Variants in EEPD1 observed in about 807,000 individuals in gnomAD.
The protein encoded by EEPD1 is endonuclease/exonuclease/phosphatase family domain containing 1.
EEPD1 carries 17 observed loss-of-function variants against 46.3 expected under a neutral mutation model. The observed-to-expected ratio is 0.37, with a 90% CI of 0.25 to 0.55. EEPD1 has a LOEUF of 0.55. Among genes scored for constraint, EEPD1 ranks in the 20% least tolerant of loss-of-function variants. EEPD1 has a pLI of 0.83. For synonymous variants in EEPD1, 313 were observed against 315.6 expected (o/e 0.99, Z 0.09); for missense variants, 673 against 745.6 (o/e 0.90, Z 1.13).
At chr7:36,206,776 C>T (rs1562686489) in intron 2 of EEPD1, among the ~76,000 whole-genome samples, 1 of 152,202 alleles carries the variant, frequency 6.6e-6, no homozygotes, top group Non-Finnish European at 1.5e-5. Flanking sequence ...AGGCTGAGCA[C>T]AGTGGCTCAT....
rs546856548 is a variant in EEPD1, at chr7:36,197,723, G to C, written c.879-41262G>C. ...ACAGATGCTTGAAGGCAGCATGCTCGTTAAGAGTCATCACCACTCCCTAAT... is the reference window on the plus strand; with the variant it reads ...ACAGATGCTTGAAGGCAGCATGCTCCTTAAGAGTCATCACCACTCCCTAAT... On this transcript the variant is annotated intron_variant, in intron 2 of 7. Transcript: ENST00000242108. Among the ~76,000 whole-genome samples, 632 of 152,008 alleles carry C rather than the reference G, an allele frequency of 4.2e-3. 5 individuals carry two copies. Among genetic ancestry groups the C allele is most frequent in the African/African-American group, 9.7e-3 (403 of 41,444 alleles).
At chr7:36,298,975 A>AT in intron 7 of EEPD1, 32 bp from the exon 8 acceptor site, 1 of 1,608,102 alleles carries the variant, frequency 6.2e-7, no homozygotes, top group Non-Finnish European at 8.5e-7. Flanking sequence ...CCCCATCCTG[A>AT]TTCCCGGTCT....
At chr7:36,244,566 G>A (rs965488150) in intron 3 of EEPD1, among the ~76,000 whole-genome samples, 2 of 152,064 alleles carry the variant, frequency 1.3e-5, no homozygotes, top group African/African-American at 4.8e-5. Flanking sequence ...AGGTTTTCCT[G>A]TTTTCTGCAG....
intron 2 of EEPD1, among the ~76,000 whole-genome samples, chr7:36,178,033 T>G (rs1360547146): frequency 6.6e-6 from 1 of 152,174 alleles, no homozygotes; most frequent in African/African-American, 2.4e-5. Flanking sequence ...TTTTTATGTC[T>G]CAGTGTTTCA....
intron 3 of EEPD1, among the ~76,000 whole-genome samples, chr7:36,259,973 T>C (rs1245831090): frequency 6.6e-6 from 1 of 152,240 alleles, no homozygotes; most frequent in African/African-American, 2.4e-5. Flanking sequence ...CTCACTCCAA[T>C]ACATCTCTAA....
intron 3 of EEPD1, among the ~76,000 whole-genome samples, chr7:36,254,477 A>C (rs951890341): frequency 6.6e-6 from 1 of 152,196 alleles, no homozygotes. Context: ...TTATGGCTGC[A>C]TAGTATTCCA....
intron 2 of EEPD1, among the ~76,000 whole-genome samples, chr7:36,236,231 G>GC (rs1183681619): frequency 6.6e-6 from 1 of 152,210 alleles, no homozygotes; most frequent in African/African-American, 2.4e-5. Context: ...CGCTGTGAGG[G>GC]CCCCTCTCTG....
chr7:36,259,239 C>G (rs1786875737), intron 3 of EEPD1, among the ~76,000 whole-genome samples: 1 of 152,170 alleles, frequency 6.6e-6, no homozygotes, highest in South Asian at 2.1e-4. Flanking sequence ...AAATCACTCA[C>G]TTTCTCCATT....
At chr7:36,171,654 A>G (rs951787629) in intron 2 of EEPD1, among the ~76,000 whole-genome samples, 6 of 152,222 alleles carry the variant, frequency 3.9e-5, no homozygotes, top group Admixed American at 3.9e-4. Flanking sequence ...ATCTTTCAAA[A>G]TAGATCTTTA....
intron 2 of EEPD1, among the ~76,000 whole-genome samples, chr7:36,173,702 A>G (rs1015506303): frequency 2.0e-5 from 3 of 152,166 alleles, no homozygotes; most frequent in African/African-American, 7.2e-5. Context: ...AAATCAACCA[A>G]TACAGTCACA....
chr7:36,252,829 CTTTTTTTTTTTTTTTTTT>C lies in EEPD1; in HGVS notation c.930+13806_930+13823del, dbSNP rs71553053. On this transcript the variant is annotated intron_variant, in intron 3 of 7. Coordinates refer to ENST00000242108, the MANE Select transcript of EEPD1 (RefSeq NM_030636.3). The stretch of plus-strand genomic sequence containing the variant: ...GGTGTGATAGCATGAGTGTTCTCTC[CTTTTTTTTTTTTTTTTTT>C]TTTTTTTTTTTTGATCAGTCTAGGT... 6.8e-3 allele frequency among the ~76,000 whole-genome samples: 371 copies of C among 54,932 alleles called. 4 individuals are homozygous for C. Among genetic ancestry groups the C allele is most frequent in the African/African-American group, 0.027 (350 of 12,996 alleles). The allele number at this position is 54,932 out of a possible 152,430, so 36.0% of individuals were successfully genotyped here.
chr7:36,202,418 GC>G (rs1200567882), intron 2 of EEPD1, among the ~76,000 whole-genome samples: 1 of 152,076 alleles, frequency 6.6e-6, no homozygotes, highest in African/African-American at 2.4e-5. Flanking sequence ...CTGTTCGCTA[GC>G]CGGGGTGAAG....
At chr7:36,214,373 A>G (rs1490172911) in intron 2 of EEPD1, among the ~76,000 whole-genome samples, 1 of 152,142 alleles carries the variant, frequency 6.6e-6, no homozygotes, top group Admixed American at 6.5e-5. Context: ...TTTGAGAGAT[A>G]ATGTTGGGCT....
chr7:36,154,658 A>G lies in EEPD1; in HGVS notation c.334A>G (p.Ser112Gly), dbSNP rs1784786571. Residue 112 changes from serine (S) to glycine (G), a missense_variant, in exon 2 of 8, where the codon AGT becomes GGT. Transcript: ENST00000242108. This position sits in a 1 kb window ranked among gnomAD's most constrained non-coding sequence, Gnocchi z 4.2. ...SKGSSAQHSP[S>G]SLRRDLLAEQ... ...GGGCAGCTCAGCGCAGCACTCTCCC[A>G]GTTCCCTGCGGCGGGACCTGCTAGC... 1.2e-6 allele frequency: 2 copies of G among 1,613,798 alleles called. No homozygotes were observed. The highest frequency in any genetic ancestry group is 1.7e-6 in the Non-Finnish European group (2 of 1,180,026).
chr7:36,281,061 C>A lies in EEPD1; in HGVS notation c.931-54C>A, dbSNP rs565473804. The A allele has an allele frequency of 3.3e-6, 5 of 1,528,736 alleles. No homozygotes were observed. In the East Asian group the frequency reaches 1.1e-4, roughly 35 times the overall value. The allele number at this position is 1,528,736 out of a possible 1,614,324, so 94.7% of individuals were successfully genotyped here. On this transcript the variant is annotated intron_variant, in intron 3 of 7. Coordinates refer to ENST00000242108, the MANE Select transcript of EEPD1 (RefSeq NM_030636.3). ...CCTGGCTTCTCAGGCCGCCGCCAGC[C>A]GGGACTGCTTTAGGCGCGAACCCAC... is the stretch of plus-strand genomic sequence containing the variant.
intron 6 of EEPD1, among the ~76,000 whole-genome samples, chr7:36,293,035 T>C (rs924205475): frequency 6.6e-6 from 1 of 152,112 alleles, no homozygotes; most frequent in Admixed American, 6.5e-5. Flanking sequence ...ACTGCCTAGT[T>C]AAAAAGTTAA....
chr7:36,210,762 TTGTTCTTGTGA>T (rs896298700), intron 2 of EEPD1, among the ~76,000 whole-genome samples: 1 of 152,212 alleles, frequency 6.6e-6, no homozygotes, highest in African/African-American at 2.4e-5. Context: ...CATGACTCAC[TTGTTCTTGTGA>T]TGTTCTTGTG....
intron 2 of EEPD1, among the ~76,000 whole-genome samples, chr7:36,163,259 GT>G (rs529684202): frequency 2.4e-4 from 34 of 142,286 alleles, no homozygotes; most frequent in South Asian, 4.5e-4. Flanking sequence ...TTATGGGTAG[GT>G]TTTTTTTTTT....
At chr7:36,158,293 T>G (rs1406700889) in intron 2 of EEPD1, among the ~76,000 whole-genome samples, 2 of 152,192 alleles carry the variant, frequency 1.3e-5, no homozygotes, top group Non-Finnish European at 2.9e-5. Flanking sequence ...AACCTGCCTC[T>G]TGGTTAGACA....
Sources: allele counts gnomAD v4.1 joint callset (sites outside exome capture counted in the v4.1 genomes callset), GRCh38; gene constraint gnomAD v4.1.1; non-coding constraint Gnocchi (gnomAD v3.1); transcripts MANE v1.5; gene names NCBI Gene and HGNC (gene_info 2026-07-23, HGNC 2026-07-21).